The following ITGAL variants were observed in gnomAD, a reference collection of about 807,000 sequenced individuals.
ITGAL encodes the protein integrin alpha-L.
A neutral mutation model predicts 138.4 loss-of-function variants in ITGAL; 68 were observed. That is an observed-to-expected ratio of 0.49 (90% CI 0.40 to 0.60). The LOEUF (loss-of-function observed/expected upper bound fraction) is 0.60, where lower values mean the gene tolerates loss of function less well. Among genes scored for constraint, ITGAL ranks in the 20% least tolerant of loss-of-function variants. The probability of loss-of-function intolerance (pLI) is 0.00; values close to 1 mark genes in which losing one functional copy is unlikely to be tolerated. For missense variants in ITGAL, 1,256 were observed against 1,478.6 expected (o/e 0.85, Z 2.47); for synonymous variants, 561 against 584.3 (o/e 0.96, Z 0.57).
rs1039530893 is a variant in ITGAL at position 30,497,722 on chromosome 16, G to A, written c.1832+1156G>A. On this transcript the variant is annotated intron_variant, in intron 15 of 30. Transcript: ENST00000356798. ...TTGAACTCCTGACCTCAAGGGATCCGCCCGTCTCGGCCTCCCAAAGTGCTA... is the reference window on the plus strand; with the variant it reads ...TTGAACTCCTGACCTCAAGGGATCCACCCGTCTCGGCCTCCCAAAGTGCTA... Among the ~76,000 whole-genome samples, 4 of 151,692 alleles carry A rather than the reference G, an allele frequency of 2.6e-5. No individual in the cohort carries two copies. The South Asian group carries it at 6.3e-4, about 24-fold the overall frequency.
intron 11 of ITGAL, among the ~76,000 whole-genome samples, chr16:30,490,473 T>C (rs1233190116): frequency 6.6e-6 from 1 of 152,098 alleles, no homozygotes; most frequent in African/African-American, 2.4e-5. Context: ...CCCTTCCTTG[T>C]GGAAACCACA....
chr16:30,513,039 C>T (rs1288919562), intron 24 of ITGAL, among the ~76,000 whole-genome samples: 2 of 152,166 alleles, frequency 1.3e-5, no homozygotes, highest in African/African-American at 2.4e-5. Context: ...CAGTATGATA[C>T]TGACATGAAA....
intron 30 of ITGAL, among the ~76,000 whole-genome samples, chr16:30,520,822 C>A (rs1311977543): frequency 1.3e-5 from 2 of 152,154 alleles, no homozygotes; most frequent in African/African-American, 2.4e-5. Context: ...CGGTGGCTCA[C>A]ACCTGTAATC....
At chr16:30,489,913 G>A (rs2050700855) in intron 11 of ITGAL, among the ~76,000 whole-genome samples, 1 of 151,246 alleles carries the variant, frequency 6.6e-6, no homozygotes, top group Admixed American at 6.6e-5. Context: ...ACCAGTCTGG[G>A]CAAAAGAGCA....
Position 30,494,592 on chromosome 16 carries a change from G to A in ITGAL, c.1366-121G>A. 1 of 1,281,978 alleles carries A rather than the reference G, an allele frequency of 7.8e-7. No individual in the cohort carries two copies. The highest frequency in any genetic ancestry group is 1.1e-6 in the Non-Finnish European group (1 of 945,666). 79.4% of individuals were successfully genotyped at this position (1,281,978 alleles called of 1,614,324 possible). A position where few individuals can be genotyped will look rare whatever the true frequency, so the allele number is the denominator to read the frequency against. ...GTCTTAACGCACATAGACTAGGGGT[G>A]GATCCAAGATTGGAACCTGCATTTG... On this transcript the variant is annotated intron_variant, in intron 12 of 30. Coordinates refer to ENST00000356798, the MANE Select transcript of ITGAL (RefSeq NM_002209.3). The surrounding 1 kb of genome is among the most constrained non-coding windows in gnomAD (Gnocchi z 4.2).
At position 30,481,400 on chromosome 16, in the gene ITGAL, G is replaced by A. The variant is rs767373331; in HGVS notation, c.577-39G>A. 37 of 1,446,628 alleles carry A rather than the reference G, an allele frequency of 2.6e-5. No individual in the cohort carries two copies. In the South Asian group the frequency reaches 2.9e-4, roughly 12 times the overall value. 89.6% of individuals were successfully genotyped at this position (1,446,628 alleles called of 1,614,324 possible). A position where few individuals can be genotyped will look rare whatever the true frequency, so the allele number is the denominator to read the frequency against. On this transcript the variant is annotated intron_variant, in intron 6 of 30. Coordinates refer to ENST00000356798, the MANE Select transcript of ITGAL (RefSeq NM_002209.3). ...AGTTTGGAACAGACAAATGGAAAGG[G>A]ATATATAACTGAATGTCATTTCTTC...
chr16:30,477,986 TAGGA>T (rs2050495583), intron 4 of ITGAL, among the ~76,000 whole-genome samples: 1 of 122,084 alleles, frequency 8.2e-6, no homozygotes, highest in Non-Finnish European at 1.7e-5. Flanking sequence ...GAGAGAGAGA[TAGGA>T]AGGAAGGAAG....
At chr16:30,511,539 A>G (rs1427334213) in intron 24 of ITGAL, among the ~76,000 whole-genome samples, 2 of 152,210 alleles carry the variant, frequency 1.3e-5, no homozygotes, top group Non-Finnish European at 2.9e-5. Context: ...AATAGCTGGA[A>G]GTACTAAAGC....
chr16:30,517,892 C>A lies in ITGAL; in HGVS notation c.3129C>A (p.Ile1043=). Residue 1043 remains isoleucine (I), a synonymous_variant, in exon 28 of 31, where the codon ATC becomes ATA. Transcript: ENST00000356798. ...GGACTCTGGAGCTGGTGGGAGAGAT[C>A]GAGGTAGTCCCCGCTCCTAAGAGAT... The part of the protein sequence containing the change: ...VIGTLELVGE[I]EASSMFSLCS... The A allele has an allele frequency of 6.2e-7, 1 of 1,613,578 alleles. No individual in the cohort carries two copies. The highest frequency in any genetic ancestry group is 2.2e-5 in the East Asian group (1 of 44,880).
At chr16:30,507,444 C>G (rs923174905) in intron 21 of ITGAL, among the ~76,000 whole-genome samples, 1 of 135,890 alleles carries the variant, frequency 7.4e-6, no homozygotes, top group Non-Finnish European at 1.5e-5. Context: ...TGGGCGACAG[C>G]GAAACTCCGT....
At chr16:30,499,707 A>ATATACG (rs1225167757) in intron 17 of ITGAL, among the ~76,000 whole-genome samples, 1 of 84,846 alleles carries the variant, frequency 1.2e-5, no homozygotes, top group Admixed American at 1.7e-4. Flanking sequence ...GTGTATATAT[A>ATATACG]TATATGTATA....
chr16:30,516,077 C>G (rs560228226), intron 25 of ITGAL, among the ~76,000 whole-genome samples: 3 of 152,076 alleles, frequency 2.0e-5, no homozygotes, highest in Non-Finnish European at 4.4e-5. Context: ...CACAAATGTT[C>G]GTTGAATGAA....
intron 9 of ITGAL, among the ~76,000 whole-genome samples, chr16:30,485,206 C>T (rs2050624993): frequency 8.0e-6 from 1 of 125,560 alleles, no homozygotes; most frequent in Non-Finnish European, 1.7e-5. Flanking sequence ...CTCCCCTCCT[C>T]TTCTCTTCTT....
At chr16:30,500,742 A>T (rs1597090762) in intron 17 of ITGAL, among the ~76,000 whole-genome samples, 1 of 152,188 alleles carries the variant, frequency 6.6e-6, no homozygotes, top group Non-Finnish European at 1.5e-5. Context: ...TTGTAGGCCA[A>T]GCGCGGTGGC....
intron 2 of ITGAL, among the ~76,000 whole-genome samples, chr16:30,474,835 G>A (rs1379852767): frequency 1.3e-5 from 2 of 151,056 alleles, no homozygotes; most frequent in Admixed American, 6.6e-5. Context: ...AGATGAGGAC[G>A]GAGGCATCTT....
rs1016111484 is a variant in ITGAL, at chr16:30,485,438, G to A, written c.1006+1175G>A. Among the ~76,000 whole-genome samples, 10 of 152,110 alleles carry A rather than the reference G, an allele frequency of 6.6e-5. No individual in the cohort carries two copies. In the South Asian group the frequency reaches 2.1e-3, roughly 31 times the overall value. ...GACAGGGTTTCATCGTGTTAGCCAGGATGATCTCGATCTGACCTCGTGACC... is the reference window on the plus strand; with the variant it reads ...GACAGGGTTTCATCGTGTTAGCCAGAATGATCTCGATCTGACCTCGTGACC... On this transcript the variant is annotated intron_variant, in intron 9 of 30. Coordinates refer to ENST00000356798, the MANE Select transcript of ITGAL (RefSeq NM_002209.3).
rs751053396 is a variant in ITGAL, at chr16:30,489,342, T to C, written c.1169T>C (p.Ile390Thr). The part of the protein sequence containing the change: ...LKADLQDDTF[I>T]GNEPLTPEVR... Reference sequence around the variant, plus strand: ...GCAGACCTGCAGGATGACACATTTATTGGGAATGAACCATTGACACCAGAA... The same window carrying C: ...GCAGACCTGCAGGATGACACATTTACTGGGAATGAACCATTGACACCAGAA... The change falls in exon 11 of 31, where the codon ATT becomes ACT. Residue 390 changes from isoleucine to threonine, a missense_variant. Physicochemically the swap from Ile to Thr is moderately conservative, Grantham distance 89. Transcript: ENST00000356798. 3.3e-5 allele frequency: 54 copies of C among 1,614,036 alleles called. No individual in the cohort carries two copies. The highest frequency in any genetic ancestry group is 1.5e-4 in the Admixed American group (9 of 59,980).
At chr16:30,507,476 A>C (rs538057064) in intron 21 of ITGAL, among the ~76,000 whole-genome samples, 1 of 150,924 alleles carries the variant, frequency 6.6e-6, no homozygotes, top group Non-Finnish European at 1.5e-5. Context: ...AACAAAAAAA[A>C]AAACAAAAAA....
Position 30,479,349 on chromosome 16 carries a change from T to C in ITGAL, c.464T>C (p.Val155Ala). 1 of 1,614,162 alleles carries C rather than the reference T, an allele frequency of 6.2e-7. No homozygotes were observed. The highest frequency in any genetic ancestry group is 8.5e-7 in the Non-Finnish European group (1 of 1,180,040). Residue 155 changes from valine (V) to alanine (A), a missense_variant, in exon 6 of 31, where the codon GTA becomes GCA. Coordinates refer to ENST00000356798, the MANE Select transcript of ITGAL (RefSeq NM_002209.3). ...TCTGCAGAATGTATCAAGGGCAACG[T>C]AGACCTGGTATTTCTGTTTGATGGT... is the stretch of plus-strand genomic sequence containing the variant. ...PGFQECIKGN[V>A]DLVFLFDGSM...
Sources: allele counts gnomAD v4.1 joint callset (sites outside exome capture counted in the v4.1 genomes callset), GRCh38; gene constraint gnomAD v4.1.1; non-coding constraint Gnocchi (gnomAD v3.1); transcripts MANE v1.5; gene names NCBI Gene and HGNC (gene_info 2026-07-23, HGNC 2026-07-21).